Variants in DYNC1I1 observed in about 807,000 individuals in gnomAD.
DYNC1I1 encodes cytoplasmic dynein 1 intermediate chain 1.
DYNC1I1 carries 43 observed loss-of-function variants against 86.6 expected under a neutral mutation model. The ratio of observed to expected loss-of-function variants is 0.50; its 90% CI spans 0.39 to 0.64. The LOEUF is 0.64. DYNC1I1 is among the 30% of genes least tolerant of loss of function. DYNC1I1 has a pLI of 0.00. For missense variants in DYNC1I1, 604 were observed against 788.8 expected, an observed-to-expected ratio of 0.77 and a Z score of 2.81; for synonymous variants, 262 against 283.7, an observed-to-expected ratio of 0.92 and a Z score of 0.77.
intron 1 of DYNC1I1, among the ~76,000 whole-genome samples, chr7:95,788,072 C>T (rs148217128): frequency 6.6e-6 from 1 of 151,942 alleles, no homozygotes; most frequent in Non-Finnish European, 1.5e-5. Context: ...GCCATGGAGG[C>T]TATTACAAGG....
intron 6 of DYNC1I1, among the ~76,000 whole-genome samples, chr7:95,892,134 A>AT (rs1790756622): frequency 6.6e-6 from 1 of 150,628 alleles, no homozygotes; most frequent in African/African-American, 2.4e-5. Flanking sequence ...TGCCCAGCTA[A>AT]TTTTTTCTTT....
rs574274457 is a variant in DYNC1I1, at chr7:95,949,356, G to T, written c.491-28156G>T. Among the ~76,000 whole-genome samples, 5 of 152,284 alleles carry T rather than the reference G, an allele frequency of 3.3e-5. 1 individual carries two copies. Among genetic ancestry groups the T allele is most frequent in the African/African-American group, 9.6e-5 (4 of 41,560 alleles). On this transcript the variant is annotated intron_variant, in intron 6 of 16. Coordinates refer to ENST00000447467, the MANE Select transcript of DYNC1I1 (RefSeq NM_001135556.2). ...TGCACTCATCCTTGGAGCACTAAGC[G>T]ACCCATTACTGCCCTGGGCAGGGCC...
intron 5 of DYNC1I1, among the ~76,000 whole-genome samples, chr7:95,864,779 A>G (rs777141418): frequency 1.3e-5 from 2 of 152,120 alleles, no homozygotes; most frequent in Non-Finnish European, 2.9e-5. Flanking sequence ...ATAGAACTTC[A>G]TAATGAAGTT....
intron 14 of DYNC1I1, among the ~76,000 whole-genome samples, chr7:96,040,954 T>A (rs1789028702): frequency 6.6e-6 from 1 of 152,032 alleles, no homozygotes; most frequent in South Asian, 2.1e-4. Flanking sequence ...ACTCCCAACC[T>A]CAAATGATCT....
intron 6 of DYNC1I1, among the ~76,000 whole-genome samples, chr7:95,934,066 G>T (rs1366751982): frequency 6.6e-6 from 1 of 151,990 alleles, no homozygotes; most frequent in African/African-American, 2.4e-5. Context: ...ATTGCCTGGT[G>T]GTCTTGGAAC....
chr7:95,988,274 G>T (rs1206386984), intron 9 of DYNC1I1, among the ~76,000 whole-genome samples: 1 of 152,118 alleles, frequency 6.6e-6, no homozygotes, highest in African/African-American at 2.4e-5. Flanking sequence ...CTATTCGGGA[G>T]GCTGAGGCAG....
rs185899748 is a variant in DYNC1I1, at chr7:96,088,470, G to C, written c.1776+7982G>C. Among the ~76,000 whole-genome samples the C allele has an allele frequency of 4.3e-3, 651 of 152,206 alleles. 6 individuals carry two copies. The highest frequency in any genetic ancestry group is 0.015 in the African/African-American group (607 of 41,556). ...AACTGTCATCTTCAATGGCAGTTTG[G>C]ATTATGAAGCAGTTGTTAATTATAG... On this transcript the variant is annotated intron_variant, in intron 16 of 16. Coordinates refer to ENST00000447467, the MANE Select transcript of DYNC1I1 (RefSeq NM_001135556.2).
intron 5 of DYNC1I1, among the ~76,000 whole-genome samples, chr7:95,851,689 A>C (rs1224399687): frequency 2.6e-5 from 4 of 151,804 alleles, no homozygotes; most frequent in Non-Finnish European, 5.9e-5. Context: ...TTTAGACCAG[A>C]GTTTCGCTCT....
chr7:95,813,393 A>G (rs981993622), intron 4 of DYNC1I1, 56 bp downstream of exon 4: 4 of 1,512,594 alleles, frequency 2.6e-6, no homozygotes, highest in Non-Finnish European at 3.6e-6. Context: ...AAAAAAAAAA[A>G]CAGCAACAAC....
At chr7:96,089,776 G>A (rs1485522430) in intron 16 of DYNC1I1, among the ~76,000 whole-genome samples, 1 of 152,112 alleles carries the variant, frequency 6.6e-6, no homozygotes, top group African/African-American at 2.4e-5. Context: ...CAGTAGGAGG[G>A]AATGACATTT....
intron 1 of DYNC1I1, among the ~76,000 whole-genome samples, chr7:95,786,911 C>T (rs971650995): frequency 5.9e-5 from 9 of 152,042 alleles, no homozygotes; most frequent in African/African-American, 2.2e-4. Context: ...GGTACACACT[C>T]GTGCTGAAAA....
intron 1 of DYNC1I1, among the ~76,000 whole-genome samples, chr7:95,791,500 T>A (rs950611661): frequency 2.9e-4 from 44 of 152,346 alleles, no homozygotes; most frequent in African/African-American, 1.0e-3. Flanking sequence ...ACATGTTCAT[T>A]TATCATCTTA....
At chr7:95,930,618 C>T (rs1177050267) in intron 6 of DYNC1I1, among the ~76,000 whole-genome samples, 1 of 152,172 alleles carries the variant, frequency 6.6e-6, no homozygotes, top group Non-Finnish European at 1.5e-5. Flanking sequence ...ACCTGAGTGG[C>T]ATTCACATTT....
At chr7:95,865,609 A>G (rs1035932556) in intron 5 of DYNC1I1, among the ~76,000 whole-genome samples, 1 of 152,242 alleles carries the variant, frequency 6.6e-6, no homozygotes, top group African/African-American at 2.4e-5. Flanking sequence ...ATTTTGGTCA[A>G]TGACGCACTG....
chr7:95,910,633 C>G (rs562288774), intron 6 of DYNC1I1, among the ~76,000 whole-genome samples: 1 of 152,270 alleles, frequency 6.6e-6, no homozygotes, highest in South Asian at 2.1e-4. Flanking sequence ...TTGCATTGGG[C>G]TTTGGCTGCC....
At chr7:95,823,989 TTTTG>T (rs1435777712) in intron 4 of DYNC1I1, among the ~76,000 whole-genome samples, 6,039 of 92,936 alleles carry the variant, frequency 0.065, 382 homozygotes, top group Non-Finnish European at 0.08. Context: ...TGTTTTGGTT[TTTTG>T]TTTTTTTTTT....
chr7:95,784,246 CCT>C (rs1422182226), intron 1 of DYNC1I1, among the ~76,000 whole-genome samples: 1 of 152,096 alleles, frequency 6.6e-6, no homozygotes, highest in African/African-American at 2.4e-5. Flanking sequence ...TCCTAACTCC[CCT>C]GTTCCCACCC....
At chr7:96,028,426 G>A in intron 11 of DYNC1I1, 105 bp downstream of exon 11, 1 of 1,415,078 alleles carries the variant, frequency 7.1e-7, no homozygotes, top group Non-Finnish European at 9.4e-7. Context: ...AAGTTAGGAG[G>A]ATCTACTTTA....
intron 14 of DYNC1I1, among the ~76,000 whole-genome samples, chr7:96,042,093 A>G (rs909341997): frequency 1.3e-5 from 2 of 152,108 alleles, no homozygotes; most frequent in Non-Finnish European, 1.5e-5. Context: ...TAAACTACCA[A>G]AAAAAATCTA....
Sources: allele counts gnomAD v4.1 joint callset (sites outside exome capture counted in the v4.1 genomes callset), GRCh38; gene constraint gnomAD v4.1.1; transcripts MANE v1.5; gene names NCBI Gene and HGNC (gene_info 2026-07-23, HGNC 2026-07-21).